Variants in PABPC4L observed in about 807,000 individuals in gnomAD.
The protein encoded by PABPC4L is polyadenylate-binding protein 4-like.
For missense variants in PABPC4L, 452 were observed against 451.4 expected, an observed-to-expected ratio of 1.00 and a Z score of -0.01; for synonymous variants, 169 against 164.1, an observed-to-expected ratio of 1.03 and a Z score of -0.23.
the PABPC4L span, among the ~76,000 whole-genome samples, chr4:134,149,701 T>C: frequency 6.6e-6 from 1 of 152,110 alleles, no homozygotes; most frequent in Non-Finnish European, 1.5e-5. Context: ...ACTAGGCAAG[T>C]CAGGTGTTCA....
the PABPC4L span, among the ~76,000 whole-genome samples, chr4:134,176,709 G>C: frequency 6.6e-6 from 1 of 152,074 alleles, no homozygotes; most frequent in African/African-American, 2.4e-5. Context: ...GAAAAGCTGG[G>C]TGCTAGCATG....
the PABPC4L span, among the ~76,000 whole-genome samples, chr4:134,131,066 C>A: frequency 2.2e-4 from 33 of 152,150 alleles, no homozygotes; most frequent in East Asian, 5.8e-3. Flanking sequence ...CTATCTATGA[C>A]AAACCCACAG....
chr4:134,072,991 A>T, the PABPC4L span, among the ~76,000 whole-genome samples: 1 of 152,078 alleles, frequency 6.6e-6, no homozygotes, highest in Non-Finnish European at 1.5e-5. Context: ...TCAAGATGAG[A>T]TTTCGGTGGG....
chr4:134,118,609 A>T, the PABPC4L span, among the ~76,000 whole-genome samples: 3 of 149,584 alleles, frequency 2.0e-5, no homozygotes, highest in Middle Eastern at 3.2e-3. Context: ...ACAAATAGGT[A>T]AAAAAAAAAT....
the PABPC4L span, among the ~76,000 whole-genome samples, chr4:134,084,811 G>T: frequency 6.6e-6 from 1 of 151,950 alleles, no homozygotes; most frequent in African/African-American, 2.4e-5. Context: ...GTGTACTGTT[G>T]TTGCCAAACT....
chr4:134,100,702 T>A, the PABPC4L span, among the ~76,000 whole-genome samples: 2 of 151,802 alleles, frequency 1.3e-5, no homozygotes, highest in Non-Finnish European at 3.0e-5. Flanking sequence ...TCATCTCACT[T>A]GGTTGATCAA....
At chr4:134,139,783 A>G in the PABPC4L span, among the ~76,000 whole-genome samples, 70 of 151,670 alleles carry the variant, frequency 4.6e-4, no homozygotes, top group African/African-American at 1.5e-3. Context: ...CCTAGGCCCA[A>G]ACAAAATTGC....
At chr4:134,045,323 C>T in the PABPC4L span, among the ~76,000 whole-genome samples, 2 of 152,046 alleles carry the variant, frequency 1.3e-5, no homozygotes, top group African/African-American at 4.8e-5. Flanking sequence ...TCATTTTTCT[C>T]CTCTTCAAAG....
the PABPC4L span, among the ~76,000 whole-genome samples, chr4:134,140,359 A>C: frequency 6.6e-6 from 1 of 151,880 alleles, no homozygotes; most frequent in Non-Finnish European, 1.5e-5. Flanking sequence ...AATAAAAGTA[A>C]ATTAAAAAAT....
At chr4:134,018,287 C>G in the PABPC4L span, among the ~76,000 whole-genome samples, 733 of 152,254 alleles carry the variant, frequency 4.8e-3, 5 homozygotes, top group South Asian at 0.012. Flanking sequence ...TGCTGACACT[C>G]TTTTTGGACT....
the PABPC4L span, among the ~76,000 whole-genome samples, chr4:134,044,302 C>T: frequency 6.6e-6 from 1 of 151,922 alleles, no homozygotes; most frequent in Non-Finnish European, 1.5e-5. Context: ...CTCACTCTGT[C>T]GCCCAGGCTG....
the PABPC4L span, among the ~76,000 whole-genome samples, chr4:134,173,783 A>T: frequency 6.6e-6 from 1 of 152,074 alleles, no homozygotes; most frequent in Admixed American, 6.6e-5. Context: ...CCTGATCTGA[A>T]CATTACACAT....
chr4:134,120,540 C>T, the PABPC4L span, among the ~76,000 whole-genome samples: 4 of 150,372 alleles, frequency 2.7e-5, no homozygotes, highest in East Asian at 1.9e-4. Flanking sequence ...CATGAAGGGC[C>T]GCTGGAGAAA....
chr4:134,102,514 C>A, the PABPC4L span, among the ~76,000 whole-genome samples: 1 of 151,398 alleles, frequency 6.6e-6, no homozygotes, highest in Non-Finnish European at 1.5e-5. Context: ...ATTCTAATGT[C>A]CAGTCAACTT....
the PABPC4L span, among the ~76,000 whole-genome samples, chr4:134,160,322 G>A: frequency 6.6e-6 from 1 of 152,072 alleles, no homozygotes; most frequent in Non-Finnish European, 1.5e-5. Flanking sequence ...AAGAGACTTT[G>A]CCTGGTATCC....
the PABPC4L span, among the ~76,000 whole-genome samples, chr4:134,183,520 T>C: frequency 6.6e-6 from 1 of 151,534 alleles, no homozygotes; most frequent in Non-Finnish European, 1.5e-5. Flanking sequence ...ACCATGCTTA[T>C]TACCTGGGTG....
chr4:134,016,854 T>C, the PABPC4L span, among the ~76,000 whole-genome samples: 1 of 152,092 alleles, frequency 6.6e-6, no homozygotes, highest in Non-Finnish European at 1.5e-5. Flanking sequence ...CCCCCTCCCT[T>C]TCCTACCCAT....
At chr4:133,953,210 A>G in the PABPC4L span, among the ~76,000 whole-genome samples, 1 of 151,970 alleles carries the variant, frequency 6.6e-6, no homozygotes, top group Non-Finnish European at 1.5e-5. Flanking sequence ...CAGTCTTTGG[A>G]GTTGTTCCCT....
the PABPC4L span, among the ~76,000 whole-genome samples, chr4:133,973,023 C>A: frequency 6.6e-6 from 1 of 152,174 alleles, no homozygotes; most frequent in East Asian, 1.9e-4. Flanking sequence ...TCCTGACAAG[C>A]AGAGAGCCAC....
Sources: gnomAD v4.1 joint callset for allele counts (sites outside exome capture counted in the v4.1 genomes callset) on GRCh38, gnomAD v4.1.1 for gene constraint, MANE v1.5 for transcripts, NCBI Gene and HGNC (gene_info 2026-07-23, HGNC 2026-07-21) for gene names.